PPP3CA: variants seen among roughly 807,000 people sequenced by gnomAD.
PPP3CA encodes CAM-PRP catalytic subunit.
A neutral mutation model predicts 66.5 loss-of-function variants in PPP3CA; 14 were observed. The ratio of observed to expected loss-of-function variants is 0.21; its 90% CI spans 0.14 to 0.33. The LOEUF (loss-of-function observed/expected upper bound fraction) is 0.33. PPP3CA is among the 10% of genes least tolerant of loss of function. PPP3CA has a pLI of 1.00. For missense variants in PPP3CA, 317 were observed against 639.5 expected, an observed-to-expected ratio of 0.50 and a Z score of 5.44; for synonymous variants, 232 against 226.2, an observed-to-expected ratio of 1.03 and a Z score of -0.23.
intron 2 of PPP3CA, among the ~76,000 whole-genome samples, chr4:101,195,429 T>C (rs1298761631): frequency 6.6e-6 from 1 of 152,194 alleles, no homozygotes; most frequent in Non-Finnish European, 1.5e-5. Context: ...TCACCCCAGG[T>C]ACTGTGATTC....
chr4:101,188,813 A>T (rs1051688397), intron 2 of PPP3CA, among the ~76,000 whole-genome samples: 2 of 152,174 alleles, frequency 1.3e-5, no homozygotes, highest in African/African-American at 4.8e-5. Context: ...CCTCCAGGTC[A>T]AACACAAAGC....
chr4:101,055,197 T>A (rs1283484329), intron 10 of PPP3CA, among the ~76,000 whole-genome samples: 1 of 152,138 alleles, frequency 6.6e-6, no homozygotes, highest in African/African-American at 2.4e-5. Flanking sequence ...TCTCCAGACT[T>A]CCTTATTATA....
At chr4:101,339,135 G>A (rs1397675669) in intron 1 of PPP3CA, among the ~76,000 whole-genome samples, 1 of 152,206 alleles carries the variant, frequency 6.6e-6, no homozygotes, top group African/African-American at 2.4e-5. Context: ...AGAAGGGAAG[G>A]AGGTCATGTT....
chr4:101,163,352 C>T (rs189559038), intron 2 of PPP3CA, among the ~76,000 whole-genome samples: 231 of 152,194 alleles, frequency 1.5e-3, no homozygotes, highest in Middle Eastern at 3.4e-3. Flanking sequence ...TGTTGTTGTT[C>T]GCCCTGAGGT....
At chr4:101,064,571 T>C (rs535552661) in intron 8 of PPP3CA, among the ~76,000 whole-genome samples, 12 of 152,156 alleles carry the variant, frequency 7.9e-5, no homozygotes, top group Admixed American at 4.6e-4. Flanking sequence ...ATTTCTTTAC[T>C]TTTTTGTTTT....
intron 1 of PPP3CA, among the ~76,000 whole-genome samples, chr4:101,291,368 A>C (rs1039208587): frequency 2.0e-5 from 3 of 152,078 alleles, no homozygotes; most frequent in Non-Finnish European, 4.4e-5. Flanking sequence ...CATGCATTCT[A>C]ATTTATTATG....
At chr4:101,071,665 T>C (rs139929713) in intron 8 of PPP3CA, among the ~76,000 whole-genome samples, 258 of 152,338 alleles carry the variant, frequency 1.7e-3, no homozygotes, top group African/African-American at 6.0e-3. Flanking sequence ...TGAATCTGTA[T>C]GGAGGATTCA....
chr4:101,027,173 C>T (rs1039794075), intron 13 of PPP3CA, among the ~76,000 whole-genome samples: 3 of 151,706 alleles, frequency 2.0e-5, no homozygotes, highest in African/African-American at 7.3e-5. Context: ...ATTTCAGGGC[C>T]AATCACCAAT....
intron 3 of PPP3CA, among the ~76,000 whole-genome samples, chr4:101,100,857 T>C (rs1287353068): frequency 2.6e-5 from 4 of 152,130 alleles, no homozygotes; most frequent in East Asian, 1.9e-4. Context: ...ATAATATCTA[T>C]AGGGAAAAGC....
chr4:101,043,014 C>A (rs1422668993), intron 10 of PPP3CA, among the ~76,000 whole-genome samples: 1 of 152,014 alleles, frequency 6.6e-6, no homozygotes, highest in Admixed American at 6.6e-5. Flanking sequence ...TATTCTGGCT[C>A]TCTCCAATAA....
At chr4:101,088,173 C>A (rs1729753519) in intron 6 of PPP3CA, among the ~76,000 whole-genome samples, 1 of 152,118 alleles carries the variant, frequency 6.6e-6, no homozygotes, top group African/African-American at 2.4e-5. Flanking sequence ...TGTGTAATAG[C>A]CTGCACATTT....
At chr4:101,072,840 G>A (rs949396806) in intron 8 of PPP3CA, among the ~76,000 whole-genome samples, 2 of 151,204 alleles carry the variant, frequency 1.3e-5, no homozygotes, top group Admixed American at 1.3e-4. Flanking sequence ...GGAGGCTGAG[G>A]CAGGAGAATG....
chr4:101,341,710 C>T (rs1729825308), intron 1 of PPP3CA, among the ~76,000 whole-genome samples: 1 of 152,120 alleles, frequency 6.6e-6, no homozygotes, highest in Admixed American at 6.6e-5. Flanking sequence ...TAACATATAC[C>T]AGTGGAATTA....
At chr4:101,339,863 G>C (rs898058935) in intron 1 of PPP3CA, among the ~76,000 whole-genome samples, 1 of 152,092 alleles carries the variant, frequency 6.6e-6, no homozygotes, top group African/African-American at 2.4e-5. Context: ...TGACATACTA[G>C]AATTTCCAAA....
intron 13 of PPP3CA, among the ~76,000 whole-genome samples, chr4:101,028,532 G>C (rs762366922): frequency 6.6e-6 from 1 of 151,860 alleles, no homozygotes; most frequent in South Asian, 2.1e-4. Flanking sequence ...TCTTGTTATC[G>C]GCCACTTCCA....
At chr4:101,054,447 C>T (rs1728139843) in intron 10 of PPP3CA, among the ~76,000 whole-genome samples, 1 of 151,942 alleles carries the variant, frequency 6.6e-6, no homozygotes, top group African/African-American at 2.4e-5. Context: ...GCTTGGGGTG[C>T]CAAGGCATTT....
intron 8 of PPP3CA, among the ~76,000 whole-genome samples, chr4:101,067,366 C>A (rs1038226516): frequency 6.6e-6 from 1 of 151,900 alleles, no homozygotes; most frequent in Non-Finnish European, 1.5e-5. Context: ...GCGGACTGAA[C>A]CTCGATTATT....
At chr4:101,286,068 C>T (rs1226439630) in intron 1 of PPP3CA, among the ~76,000 whole-genome samples, 1 of 152,166 alleles carries the variant, frequency 6.6e-6, no homozygotes, top group Non-Finnish European at 1.5e-5. Context: ...TGTTTCACCT[C>T]AGATCATCAG....
At chr4:101,033,293 A>AAACACAC (rs1727089187) in intron 11 of PPP3CA, among the ~76,000 whole-genome samples, 2 of 139,270 alleles carry the variant, frequency 1.4e-5, no homozygotes, top group East Asian at 4.1e-4. Flanking sequence ...CACACACACA[A>AAACACAC]ACACACACAC....
Sources: allele counts gnomAD v4.1 joint callset (sites outside exome capture counted in the v4.1 genomes callset), GRCh38; gene constraint gnomAD v4.1.1; transcripts MANE v1.5; gene names NCBI Gene and HGNC (gene_info 2026-07-23, HGNC 2026-07-21).